ZEB2: variants seen among roughly 807,000 people sequenced by gnomAD.
The protein encoded by ZEB2 is zinc finger E-box-binding homeobox 2.
Under a neutral mutation model 99.9 loss-of-function variants are expected in ZEB2, and 6 were observed. The observed-to-expected ratio is 0.06, with a 90% CI of 0.03 to 0.12. The LOEUF (loss-of-function observed/expected upper bound fraction) is 0.12. Among genes scored for constraint, ZEB2 ranks in the 10% least tolerant of loss-of-function variants. ZEB2 has a pLI of 1.00. For synonymous variants in ZEB2, 517 were observed against 542.5 expected (o/e 0.95, Z 0.65); for missense variants, 969 against 1,502.8 (o/e 0.64, Z 5.87).
intron 2 of ZEB2, chr2:144,470,607 C>T (rs909871406): frequency 3.3e-5 from 5 of 152,098 alleles, no homozygotes; most frequent in Admixed American, 3.3e-4. Flanking sequence ...TCAAAAAACA[C>T]TACATGAATG....
chr2:144,513,952 G>C, intron 2 of ZEB2: 1 of 1,421,134 alleles, frequency 7.0e-7, no homozygotes, highest in Non-Finnish European at 9.3e-7. Context: ...ATTCTTGTCT[G>C]CGGGCAACTC....
chr2:144,490,848 G>A (rs1704667355), intron 2 of ZEB2, among the ~76,000 whole-genome samples: 1 of 152,168 alleles, frequency 6.6e-6, no homozygotes, highest in Admixed American at 6.5e-5. Flanking sequence ...ATTCAAAATG[G>A]AAAACAGCTA....
chr2:144,460,949 C>T (rs1704184727), intron 2 of ZEB2, among the ~76,000 whole-genome samples: 1 of 152,078 alleles, frequency 6.6e-6, no homozygotes, highest in South Asian at 2.1e-4. Context: ...GATTTGCTTT[C>T]AACCTCTGAG....
intron 4 of ZEB2, among the ~76,000 whole-genome samples, chr2:144,421,814 T>C (rs1703622533): frequency 6.6e-6 from 1 of 152,192 alleles, no homozygotes; most frequent in Non-Finnish European, 1.5e-5. Flanking sequence ...TTTGCATAAC[T>C]CTCAAATCTC....
At chr2:144,442,775 A>C (rs1703933349) in intron 2 of ZEB2, among the ~76,000 whole-genome samples, 1 of 152,156 alleles carries the variant, frequency 6.6e-6, no homozygotes, top group Non-Finnish European at 1.5e-5. Flanking sequence ...TATTTTTCTC[A>C]ATACTATTTT....
intron 2 of ZEB2, among the ~76,000 whole-genome samples, chr2:144,472,708 T>C (rs543221498): frequency 6.6e-6 from 1 of 152,114 alleles, no homozygotes; most frequent in African/African-American, 2.4e-5. Flanking sequence ...GAAGCACGGA[T>C]GGACTACCGA....
chr2:144,457,634 G>GATTAAT lies in ZEB2; in HGVS notation c.74-27609_74-27608insATTAAT, dbSNP rs1317486963. On this transcript the variant is annotated intron_variant, in intron 2 of 9. Coordinates refer to ENST00000627532, the MANE Select transcript of ZEB2 (RefSeq NM_014795.4). ...AAAGCAAGTTAGATATAAGGAAGAG[G>GATTAAT]ACCTGGTATGTAACAGGTATTAATG... 2.3e-4 allele frequency among the ~76,000 whole-genome samples: 35 copies of GATTAAT among 152,244 alleles called. No homozygotes were observed. In the East Asian group the frequency reaches 6.0e-3, roughly 26 times the overall value.
chr2:144,463,118 T>TG, intron 2 of ZEB2: 1 of 152,330 alleles, frequency 6.6e-6, no homozygotes, highest in South Asian at 2.1e-4. Context: ...TCTGAGCAGT[T>TG]GGACTATGGT....
chr2:144,479,449 G>A (rs975032051), intron 2 of ZEB2, among the ~76,000 whole-genome samples: 1 of 152,134 alleles, frequency 6.6e-6, no homozygotes, highest in South Asian at 2.1e-4. Flanking sequence ...GGCTGTGCGG[G>A]TCCTGCCAGG....
chr2:144,496,962 A>T (rs558264113), intron 2 of ZEB2: 2 of 152,302 alleles, frequency 1.3e-5, no homozygotes, highest in African/African-American at 4.8e-5. Flanking sequence ...GGGATAGGAC[A>T]TTCTTCTGCT....
intron 2 of ZEB2, among the ~76,000 whole-genome samples, chr2:144,502,681 C>T (rs1164312831): frequency 2.6e-5 from 4 of 152,184 alleles, no homozygotes; most frequent in Non-Finnish European, 5.9e-5. Flanking sequence ...GCTCAAGACA[C>T]ATTCAACGGG....
chr2:144,517,370 G>A lies in ZEB2; in HGVS notation c.-20C>T. The A allele has an allele frequency of 6.2e-7, 1 of 1,613,574 alleles. No individual in the cohort carries two copies. The highest frequency in any genetic ancestry group is 8.5e-7 in the Non-Finnish European group (1 of 1,179,788). On this transcript the variant is annotated 5_prime_UTR_variant, in exon 2 of 10. Transcript: ENST00000627532. Reference sequence around the variant, plus strand: ...CTTCATTGATAAGAGCGGATCAGATGGCAGTTCGCATGGACTCGGCGCCCT... The same window carrying A: ...CTTCATTGATAAGAGCGGATCAGATAGCAGTTCGCATGGACTCGGCGCCCT...
In ZEB2 at chr2:144,389,372, A is replaced by G. The variant is rs1703123887; in HGVS notation, c.*79T>C. 6.6e-7 allele frequency: 1 copy of G among 1,524,330 alleles called. No homozygotes were observed. The highest frequency in any genetic ancestry group is 2.2e-5 in the East Asian group (1 of 44,472). 94.4% of individuals were successfully genotyped at this position (1,524,330 alleles called of 1,614,324 possible). Reference sequence around the variant, plus strand: ...GGAAGCGTCAGGCACGTGCATGAACAGCTTAACACAGCAGTGTTTTCAAGC... The same window carrying G: ...GGAAGCGTCAGGCACGTGCATGAACGGCTTAACACAGCAGTGTTTTCAAGC... On this transcript the variant is annotated 3_prime_UTR_variant, in exon 10 of 10. Transcript: ENST00000627532. The surrounding 1 kb of genome is among the most constrained non-coding windows in gnomAD (Gnocchi z 6.8).
intron 2 of ZEB2, among the ~76,000 whole-genome samples, chr2:144,503,061 G>C (rs2149926320): frequency 6.6e-6 from 1 of 152,160 alleles, no homozygotes; most frequent in African/African-American, 2.4e-5. Flanking sequence ...AATGATCAAA[G>C]AAAAATAAAT....
chr2:144,457,404 C>T (rs929649437), intron 2 of ZEB2, among the ~76,000 whole-genome samples: 5 of 152,184 alleles, frequency 3.3e-5, no homozygotes, highest in East Asian at 1.9e-4. Context: ...TCTATCTGTG[C>T]TCTCTTCATC....
chr2:144,421,142 G>A (rs1351500952), intron 4 of ZEB2, among the ~76,000 whole-genome samples: 3 of 152,178 alleles, frequency 2.0e-5, no homozygotes, highest in African/African-American at 7.2e-5. Context: ...CAAAAGGGAA[G>A]TCCAAGTGCT....
chr2:144,389,922 A>G lies in ZEB2; in HGVS notation c.3174T>C (p.Asp1058=). ...LHSGEKPYQC[D]KCGKRFSHSG... is the part of the protein sequence containing the mutation. ...AGTGTGAGAAGCGCTTGCCACATTT[A>G]TCACACTGATAGGGCTTCTCGCCCG... The change falls in exon 10 of 10, where the codon GAT becomes GAC. Residue 1058 remains aspartate (D), a synonymous_variant. Coordinates refer to ENST00000627532, the MANE Select transcript of ZEB2 (RefSeq NM_014795.4). The surrounding 1 kb of genome is among the most constrained non-coding windows in gnomAD (Gnocchi z 6.8). The G allele has an allele frequency of 1.2e-6, 2 of 1,612,668 alleles. No individual in the cohort carries two copies. The highest frequency in any genetic ancestry group is 1.1e-5 in the South Asian group (1 of 91,080).
intron 2 of ZEB2, among the ~76,000 whole-genome samples, chr2:144,473,661 G>A (rs1296358948): frequency 6.6e-6 from 1 of 152,154 alleles, no homozygotes; most frequent in Non-Finnish European, 1.5e-5. Flanking sequence ...ATGTGCACAT[G>A]AGGAATGCCA....
At position 144,384,545 on chromosome 2, in the gene ZEB2, A is replaced by C. The variant is rs1197934343; in HGVS notation, c.*4906T>G. 1 of 152,114 alleles carries C rather than the reference A, an allele frequency of 6.6e-6. No homozygotes were observed. Among genetic ancestry groups the C allele is most frequent in the Admixed American group, 6.6e-5 (1 of 15,260 alleles). The allele number at this position is 152,114 out of a possible 1,614,324, so 9.4% of individuals were successfully genotyped here. ...TTAAATATTTTGCTCTAAAGGAAGC[A>C]ATCATTCCTTTATACTTCTTTAAAT... On this transcript the variant is annotated 3_prime_UTR_variant, in exon 10 of 10. Transcript: ENST00000627532.
Sources: allele counts gnomAD v4.1 joint callset (sites outside exome capture counted in the v4.1 genomes callset), GRCh38; gene constraint gnomAD v4.1.1; non-coding constraint Gnocchi (gnomAD v3.1); transcripts MANE v1.5; gene names NCBI Gene and HGNC (gene_info 2026-07-23, HGNC 2026-07-21).